PLCB4: variants seen among roughly 807,000 people sequenced by gnomAD.
PLCB4 encodes the protein phospholipase C beta 4.
Under a neutral mutation model 178.8 loss-of-function variants are expected in PLCB4, and 77 were observed. The ratio of observed to expected loss-of-function variants is 0.43; its 90% CI spans 0.36 to 0.52. PLCB4 has a LOEUF of 0.52. Among genes scored for constraint, PLCB4 ranks in the 20% least tolerant of loss-of-function variants. PLCB4 has a pLI of 0.00. For synonymous variants in PLCB4, 496 were observed against 490.8 expected (o/e 1.01, Z -0.14); for missense variants, 1,024 against 1,453.4 (o/e 0.70, Z 4.80).
intron 2 of PLCB4, among the ~76,000 whole-genome samples, chr20:9,202,776 A>G (rs74838714): frequency 2.2e-3 from 337 of 152,268 alleles, no homozygotes; most frequent in African/African-American, 7.9e-3. Flanking sequence ...AGAAATGAAT[A>G]GGAAACAGAA....
chr20:9,176,150 T>C (rs1000244533), intron 2 of PLCB4, among the ~76,000 whole-genome samples: 2 of 152,216 alleles, frequency 1.3e-5, no homozygotes, highest in African/African-American at 4.8e-5. Context: ...TTCAGAATTA[T>C]GTTTCAGAGA....
At chr20:9,366,954 G>A (rs1244041150) in intron 9 of PLCB4, among the ~76,000 whole-genome samples, 8 of 152,188 alleles carry the variant, frequency 5.3e-5, no homozygotes, top group African/African-American at 1.7e-4. Flanking sequence ...AAATAACCAG[G>A]TCACCGAGTG....
At chr20:9,174,925 G>A (rs538849033) in intron 2 of PLCB4, among the ~76,000 whole-genome samples, 1 of 152,226 alleles carries the variant, frequency 6.6e-6, no homozygotes, top group African/African-American at 2.4e-5. Flanking sequence ...GTCCGTCTTT[G>A]TTTCTAAGAA....
intron 4 of PLCB4, among the ~76,000 whole-genome samples, chr20:9,316,751 A>G (rs150111921): frequency 1.3e-5 from 2 of 152,334 alleles, no homozygotes; most frequent in Non-Finnish European, 2.9e-5. Context: ...TGGCCCGAAC[A>G]CTGAAACAAC....
At chr20:9,155,657 C>T (rs2092774666) in intron 2 of PLCB4, among the ~76,000 whole-genome samples, 1 of 152,144 alleles carries the variant, frequency 6.6e-6, no homozygotes. Flanking sequence ...TCTTTACCTG[C>T]CTCAGTGTGT....
At chr20:9,226,721 C>T (rs1568981589) in intron 3 of PLCB4, among the ~76,000 whole-genome samples, 1 of 152,052 alleles carries the variant, frequency 6.6e-6, no homozygotes, top group Non-Finnish European at 1.5e-5. Context: ...TCACTTATTC[C>T]TCCTCTTCTG....
intron 3 of PLCB4, among the ~76,000 whole-genome samples, chr20:9,305,683 A>G (rs2327162): frequency 0.79 from 119,802 of 152,052 alleles, 47,327 homozygotes; most frequent in Middle Eastern, 0.84. Flanking sequence ...TAAATTTTTC[A>G]GAGTAGATTA....
intron 2 of PLCB4, among the ~76,000 whole-genome samples, chr20:9,186,679 C>A (rs910548872): frequency 6.6e-6 from 1 of 152,148 alleles, no homozygotes; most frequent in African/African-American, 2.4e-5. Context: ...CTTCTCCTTT[C>A]CAGTGGTGTG....
chr20:9,285,042 A>G (rs541375717), intron 3 of PLCB4, among the ~76,000 whole-genome samples: 1 of 152,086 alleles, frequency 6.6e-6, no homozygotes, highest in African/African-American at 2.4e-5. Flanking sequence ...ATCCTGCATG[A>G]AGATATGTTA....
chr20:9,169,901 G>A (rs1480960986), intron 2 of PLCB4, among the ~76,000 whole-genome samples: 1 of 151,968 alleles, frequency 6.6e-6, no homozygotes, highest in Non-Finnish European at 1.5e-5. Context: ...TCTTATTTTT[G>A]ATGGATTTAA....
At chr20:9,249,757 T>G (rs1359687655) in intron 3 of PLCB4, among the ~76,000 whole-genome samples, 1 of 152,184 alleles carries the variant, frequency 6.6e-6, no homozygotes, top group Non-Finnish European at 1.5e-5. Flanking sequence ...TTTCATAAGG[T>G]GTTAGGGAAA....
At chr20:9,186,912 T>C (rs1002437282) in intron 2 of PLCB4, among the ~76,000 whole-genome samples, 6 of 152,116 alleles carry the variant, frequency 3.9e-5, no homozygotes, top group Admixed American at 2.6e-4. Flanking sequence ...CTCGGTGCCC[T>C]GGCCACAGTG....
At chr20:9,468,710 G>T in intron 36 of PLCB4, 38 bp downstream of exon 36, 2 of 1,144,766 alleles carry the variant, frequency 1.7e-6, no homozygotes, top group South Asian at 2.5e-5. Flanking sequence ...ATATGGCATT[G>T]ACTTGAGGAC....
At chr20:9,269,197 G>A (rs2094379025) in intron 3 of PLCB4, among the ~76,000 whole-genome samples, 1 of 152,170 alleles carries the variant, frequency 6.6e-6, no homozygotes, top group Non-Finnish European at 1.5e-5. Context: ...TATATTTAAA[G>A]TCCACGGATA....
At chr20:9,107,887 C>T (rs570532604) in intron 2 of PLCB4, among the ~76,000 whole-genome samples, 1 of 152,060 alleles carries the variant, frequency 6.6e-6, no homozygotes, top group South Asian at 2.1e-4. Context: ...TTGATTTTAA[C>T]GAGGTTTGGA....
At chr20:9,310,113 A>G (rs1017348978) in intron 4 of PLCB4, among the ~76,000 whole-genome samples, 8 of 152,250 alleles carry the variant, frequency 5.3e-5, no homozygotes, top group African/African-American at 1.9e-4. Flanking sequence ...TTAAAAAATA[A>G]TTATTTCCCA....
At chr20:9,310,102 T>C (rs1436353310) in intron 4 of PLCB4, among the ~76,000 whole-genome samples, 2 of 152,152 alleles carry the variant, frequency 1.3e-5, no homozygotes, top group African/African-American at 4.8e-5. Context: ...TGACAGCCAG[T>C]TTAAAAAATA....
intron 1 of PLCB4, among the ~76,000 whole-genome samples, chr20:9,070,029 T>G (rs1453866086): frequency 7.0e-6 from 1 of 143,748 alleles, no homozygotes; most frequent in Non-Finnish European, 1.5e-5. Context: ...AGGAAAGGTG[T>G]TTTTTTTTCC....
At chr20:9,308,686 T>C (rs1262557472) in intron 4 of PLCB4, among the ~76,000 whole-genome samples, 1 of 152,184 alleles carries the variant, frequency 6.6e-6, no homozygotes, top group Non-Finnish European at 1.5e-5. Flanking sequence ...AGATCCAGAT[T>C]GTCAGATGCA....
Sources: allele counts gnomAD v4.1 joint callset (sites outside exome capture counted in the v4.1 genomes callset), GRCh38; gene constraint gnomAD v4.1.1; transcripts MANE v1.5; gene names NCBI Gene and HGNC (gene_info 2026-07-23, HGNC 2026-07-21).